The following CDH12 variants were observed in gnomAD, a reference collection of about 807,000 sequenced individuals.
CDH12 encodes cadherin-12.
In CDH12, 41 loss-of-function variants were observed where a neutral mutation model predicts 74.1. The ratio of observed to expected loss-of-function variants is 0.55; its 90% CI spans 0.43 to 0.72. The LOEUF (loss-of-function observed/expected upper bound fraction) is 0.72, where lower values mean the gene tolerates loss of function less well. Among genes scored for constraint, CDH12 ranks in the 30% least tolerant of loss-of-function variants. The pLI, the probability that CDH12 is intolerant of heterozygous loss-of-function variation, is 0.00. For synonymous variants in CDH12, 399 were observed against 355.0 expected (o/e 1.12, Z -1.39); for missense variants, 945 against 977.2 (o/e 0.97, Z 0.44).
intron 1 of CDH12, among the ~76,000 whole-genome samples, chr5:22,587,388 T>C (rs760990575): frequency 1.6e-4 from 25 of 152,154 alleles, no homozygotes; most frequent in South Asian, 4.2e-4. Context: ...TGGAGTTCTT[T>C]TATAGCAGCA....
At chr5:21,895,695 G>T (rs1275691819) in intron 6 of CDH12, among the ~76,000 whole-genome samples, 1 of 152,156 alleles carries the variant, frequency 6.6e-6, no homozygotes, top group South Asian at 2.1e-4. Flanking sequence ...CCCCCACCCA[G>T]TCAGGGACTG....
intron 3 of CDH12, among the ~76,000 whole-genome samples, chr5:22,228,267 C>T (rs1031646174): frequency 1.3e-5 from 2 of 151,780 alleles, no homozygotes. Flanking sequence ...GATGCAAATA[C>T]AAAATATTTG....
intron 1 of CDH12, among the ~76,000 whole-genome samples, chr5:22,563,065 G>T (rs1003043555): frequency 5.5e-5 from 8 of 145,428 alleles, no homozygotes; most frequent in South Asian, 2.1e-4. Context: ...AATATATATA[G>T]ATTTATATAT....
At chr5:21,876,599 T>G (rs1751951774) in intron 6 of CDH12, among the ~76,000 whole-genome samples, 1 of 152,244 alleles carries the variant, frequency 6.6e-6, no homozygotes, top group South Asian at 2.1e-4. Flanking sequence ...GCCACTACTT[T>G]TATTTGAAAT....
intron 4 of CDH12, among the ~76,000 whole-genome samples, chr5:22,095,231 C>T (rs189698906): frequency 2.8e-4 from 42 of 152,316 alleles, no homozygotes; most frequent in African/African-American, 9.6e-4. Flanking sequence ...CTTCTCACTT[C>T]TCCAACGTCT....
intron 3 of CDH12, among the ~76,000 whole-genome samples, chr5:22,321,416 T>C (rs1738875837): frequency 2.1e-5 from 3 of 140,978 alleles, no homozygotes; most frequent in Admixed American, 1.4e-4. Flanking sequence ...ACACCGCATA[T>C]TCTCACTCAT....
intron 2 of CDH12, among the ~76,000 whole-genome samples, chr5:22,443,794 AGGCTTTTTG>A (rs1464365859): frequency 6.6e-6 from 1 of 152,104 alleles, no homozygotes; most frequent in Non-Finnish European, 1.5e-5. Flanking sequence ...TTGGTTCTAA[AGGCTTTTTG>A]GTTTTTTCAA....
Position 22,138,580 on chromosome 5 carries a change from T to C in CDH12, c.-186-59718A>G, listed in dbSNP as rs1746590466. Among the ~76,000 whole-genome samples, 4 of 150,864 alleles carry C rather than the reference T, an allele frequency of 2.7e-5. No homozygotes were observed. The South Asian group carries it at 8.3e-4, about 31-fold the overall frequency. ...AAAAGGTTATTTAAATGAATTCTTC[T>C]TGAATTTGATGGAAGCATTTTTTAA... On this transcript the variant is annotated intron_variant, in intron 4 of 14. Coordinates refer to ENST00000382254, the MANE Select transcript of CDH12 (RefSeq NM_004061.5).
At chr5:22,025,764 T>C (rs1385209088) in intron 5 of CDH12, among the ~76,000 whole-genome samples, 1 of 152,160 alleles carries the variant, frequency 6.6e-6, no homozygotes, top group Non-Finnish European at 1.5e-5. Context: ...CGTAATGTAA[T>C]ATTCTAAATT....
chr5:22,416,060 CTTTTTTTTTTTTTTTTTTT>C (rs58606764), intron 2 of CDH12, among the ~76,000 whole-genome samples: 2 of 65,122 alleles, frequency 3.1e-5, no homozygotes, highest in Non-Finnish European at 5.1e-5. Context: ...ACTTGTAGGT[CTTTTTTTTTTTTTTTTTTT>C]TTTTTTTTTT....
At chr5:22,074,805 A>G (rs1487099817) in intron 5 of CDH12, among the ~76,000 whole-genome samples, 1 of 152,106 alleles carries the variant, frequency 6.6e-6, no homozygotes, top group Non-Finnish European at 1.5e-5. Flanking sequence ...AAAAGTCAGG[A>G]AACAACAGGT....
At chr5:21,876,565 T>C (rs1005135987) in intron 6 of CDH12, among the ~76,000 whole-genome samples, 2 of 152,248 alleles carry the variant, frequency 1.3e-5, no homozygotes, top group Non-Finnish European at 2.9e-5. Context: ...TAAACATTTC[T>C]ACAATGTTTT....
chr5:22,119,686 A>G (rs1021919270), intron 4 of CDH12, among the ~76,000 whole-genome samples: 5 of 152,182 alleles, frequency 3.3e-5, no homozygotes, highest in Non-Finnish European at 2.9e-5. Context: ...TTCATAGCCA[A>G]AAGGACTACT....
chr5:21,837,023 G>A (rs1272777738), intron 8 of CDH12, among the ~76,000 whole-genome samples: 1 of 151,942 alleles, frequency 6.6e-6, no homozygotes, highest in African/African-American at 2.4e-5. Flanking sequence ...CCATTAAAGA[G>A]GGAGAGTGCT....
At chr5:22,774,714 T>A (rs919137094) in intron 1 of CDH12, among the ~76,000 whole-genome samples, 1 of 152,060 alleles carries the variant, frequency 6.6e-6, no homozygotes, top group Non-Finnish European at 1.5e-5. Flanking sequence ...AGTTCTCCAT[T>A]AAACCTCTTT....
intron 5 of CDH12, among the ~76,000 whole-genome samples, chr5:22,067,054 C>A (rs768487230): frequency 2.6e-5 from 4 of 152,146 alleles, no homozygotes; most frequent in Non-Finnish European, 4.4e-5. Flanking sequence ...ATCAGCAATA[C>A]AACTTCATTG....
chr5:22,371,513 C>G (rs1168557072), intron 3 of CDH12, among the ~76,000 whole-genome samples: 3 of 152,080 alleles, frequency 2.0e-5, no homozygotes, highest in African/African-American at 7.2e-5. Flanking sequence ...CAAAAAGAAA[C>G]TGAGTTTACA....
At chr5:22,363,212 C>A (rs1384989912) in intron 3 of CDH12, among the ~76,000 whole-genome samples, 1 of 151,934 alleles carries the variant, frequency 6.6e-6, no homozygotes, top group Admixed American at 6.6e-5. Context: ...AGATGTAACA[C>A]AACTGAATCT....
rs1047749165 is a variant in CDH12 at position 22,192,653 on chromosome 5, A to G, written c.-187+19845T>C. On this transcript the variant is annotated intron_variant, in intron 4 of 14. Coordinates refer to ENST00000382254, the MANE Select transcript of CDH12 (RefSeq NM_004061.5). Reference sequence around the variant, plus strand: ...TACAAATTATTCACAGTGACTGAAAAGAAAAGAATGGTGAGAGGTAAGGAG... The same window carrying G: ...TACAAATTATTCACAGTGACTGAAAGGAAAAGAATGGTGAGAGGTAAGGAG... 3.9e-4 allele frequency among the ~76,000 whole-genome samples: 60 copies of G among 152,160 alleles called. 1 individual carries two copies. The highest frequency in any genetic ancestry group is 1.4e-3 in the African/African-American group (59 of 41,522).
Sources: allele counts gnomAD v4.1 joint callset (sites outside exome capture counted in the v4.1 genomes callset), GRCh38; gene constraint gnomAD v4.1.1; transcripts MANE v1.5; gene names NCBI Gene and HGNC (gene_info 2026-07-23, HGNC 2026-07-21).